The following ANK3 variants were observed in gnomAD, a reference collection of about 807,000 sequenced individuals.
ANK3 encodes ankyrin 3, also known as ankyrin-3.
In ANK3, 57 loss-of-function variants were observed where a neutral mutation model predicts 370.9. That is an observed-to-expected ratio of 0.15 (90% CI 0.12 to 0.19). The LOEUF is 0.19. ANK3 is among the 10% of genes least tolerant of loss of function. The pLI is 1.00. For missense variants in ANK3, 4,439 were observed against 5,302.1 expected (o/e 0.84, Z 5.06); for synonymous variants, 1,929 against 1,946.3 (o/e 0.99, Z 0.23).
At chr10:60,306,723 G>A (rs1004985934) in intron 1 of ANK3, among the ~76,000 whole-genome samples, 12 of 152,088 alleles carry the variant, frequency 7.9e-5, no homozygotes, top group African/African-American at 2.9e-4. Flanking sequence ...CATCATTTTT[G>A]AGATGAAGAA....
At chr10:60,682,977 G>T (rs886797949) in intron 1 of ANK3, among the ~76,000 whole-genome samples, 1 of 152,138 alleles carries the variant, frequency 6.6e-6, no homozygotes, top group Non-Finnish European at 1.5e-5. Flanking sequence ...TTTCAACTGT[G>T]GGGGAAGGAA....
chr10:60,399,599 G>A (rs2063313698), intron 2 of ANK3, among the ~76,000 whole-genome samples: 1 of 152,110 alleles, frequency 6.6e-6, no homozygotes. Context: ...CATGTAACAA[G>A]CTGCCTGAAC....
intron 2 of ANK3, among the ~76,000 whole-genome samples, chr10:60,435,821 C>T (rs1045956514): frequency 1.3e-5 from 2 of 152,148 alleles, no homozygotes; most frequent in African/African-American, 2.4e-5. Context: ...TCTCATCGGC[C>T]GGGCGCGGTG....
intron 23 of ANK3, among the ~76,000 whole-genome samples, chr10:60,153,602 C>T (rs1206325351): frequency 3.3e-5 from 5 of 151,900 alleles, no homozygotes; most frequent in Non-Finnish European, 7.4e-5. Flanking sequence ...ATATCAGAAC[C>T]TAAATGAAAA....
chr10:60,077,766 G>T (rs553843307), intron 36 of ANK3, among the ~76,000 whole-genome samples: 16 of 152,148 alleles, frequency 1.1e-4, no homozygotes, highest in African/African-American at 3.9e-4. Flanking sequence ...GATATGTGGG[G>T]TGTGTGTATA....
intron 1 of ANK3, among the ~76,000 whole-genome samples, chr10:60,386,838 G>A (rs891934455): frequency 1.3e-5 from 2 of 152,090 alleles, no homozygotes; most frequent in Non-Finnish European, 2.9e-5. Context: ...CCAAGCTTTT[G>A]AGCGTATCCA....
intron 1 of ANK3, among the ~76,000 whole-genome samples, chr10:60,661,901 C>T (rs2078940250): frequency 6.6e-6 from 1 of 152,122 alleles, no homozygotes; most frequent in East Asian, 1.9e-4. Flanking sequence ...CACTAGTATG[C>T]ACTTTCATCC....
chr10:60,685,720 T>G (rs16915394), intron 1 of ANK3, among the ~76,000 whole-genome samples: 6,110 of 152,276 alleles, frequency 0.04, 161 homozygotes, highest in Middle Eastern at 0.071. Flanking sequence ...AGAGCAGGAC[T>G]AGACAAACTA....
chr10:60,587,622 A>T (rs1020930138), intron 2 of ANK3, among the ~76,000 whole-genome samples: 18 of 152,210 alleles, frequency 1.2e-4, no homozygotes, highest in Non-Finnish European at 1.8e-4. Context: ...TGAGGCATCA[A>T]AAACAGTAAT....
intron 26 of ANK3, among the ~76,000 whole-genome samples, chr10:60,109,954 A>G (rs1344751143): frequency 6.6e-6 from 1 of 152,198 alleles, no homozygotes; most frequent in Non-Finnish European, 1.5e-5. Context: ...GTAAACATAA[A>G]TCAATGAGTT....
intron 2 of ANK3, among the ~76,000 whole-genome samples, chr10:60,441,368 A>C (rs1323833848): frequency 3.9e-5 from 6 of 152,192 alleles, no homozygotes; most frequent in Non-Finnish European, 7.3e-5. Flanking sequence ...AGGTGAAAGC[A>C]TTACTTTTAT....
upstream of ANK3, among the ~76,000 whole-genome samples, chr10:60,391,560 A>AT (rs1385816985): frequency 1.3e-5 from 2 of 152,076 alleles, no homozygotes; most frequent in Admixed American, 1.3e-4. Flanking sequence ...AATTTCTTTT[A>AT]TTTTCAGCAA....
At chr10:60,534,654 G>A (rs2076682906) in intron 2 of ANK3, among the ~76,000 whole-genome samples, 1 of 152,064 alleles carries the variant, frequency 6.6e-6, no homozygotes, top group Admixed American at 6.6e-5. Context: ...TCAGAAGCTT[G>A]TCAGTTCTAC....
chr10:60,562,794 A>T (rs956198), intron 2 of ANK3, among the ~76,000 whole-genome samples: 1 of 152,100 alleles, frequency 6.6e-6, no homozygotes, highest in East Asian at 1.9e-4. Context: ...AACTTAAAAA[A>T]AATTAAAGTG....
chr10:60,442,904 C>T (rs937532526), intron 2 of ANK3, among the ~76,000 whole-genome samples: 2 of 152,172 alleles, frequency 1.3e-5, no homozygotes, highest in African/African-American at 4.8e-5. Context: ...AGAGACAATT[C>T]AAACTTAGAC....
chr10:60,548,838 A>G (rs1379393207), intron 2 of ANK3, among the ~76,000 whole-genome samples: 3 of 152,152 alleles, frequency 2.0e-5, no homozygotes, highest in African/African-American at 7.2e-5. Context: ...ACAAGACATC[A>G]TGCTATCCCA....
intron 1 of ANK3, among the ~76,000 whole-genome samples, chr10:60,726,666 A>C (rs960391773): frequency 1.3e-5 from 2 of 152,140 alleles, no homozygotes; most frequent in African/African-American, 2.4e-5. Flanking sequence ...TCTTTGCTGT[A>C]AATGGGTACT....
chr10:60,570,870 A>G (rs1206773285), intron 2 of ANK3, among the ~76,000 whole-genome samples: 1 of 152,140 alleles, frequency 6.6e-6, no homozygotes, highest in East Asian at 1.9e-4. Flanking sequence ...AGCCCGTGTT[A>G]AAGGATTCCA....
chr10:60,494,887 C>A (rs1390132888), intron 2 of ANK3, among the ~76,000 whole-genome samples: 1 of 152,142 alleles, frequency 6.6e-6, no homozygotes, highest in African/African-American at 2.4e-5. Flanking sequence ...ATTTGTTTCA[C>A]CATTCTAAAG....
Sources: gnomAD v4.1 joint callset for allele counts (sites outside exome capture counted in the v4.1 genomes callset) on GRCh38, gnomAD v4.1.1 for gene constraint, MANE v1.5 for transcripts, NCBI Gene and HGNC (gene_info 2026-07-23, HGNC 2026-07-21) for gene names.